ABLIM1: variants seen among roughly 807,000 people sequenced by gnomAD.
ABLIM1 encodes the protein actin binding LIM protein 1.
Under a neutral mutation model 107.0 loss-of-function variants are expected in ABLIM1, and 40 were observed. The observed-to-expected ratio is 0.37, with a 90% CI of 0.29 to 0.49. The LOEUF (loss-of-function observed/expected upper bound fraction) is 0.49, where lower values mean the gene tolerates loss of function less well. Ranked by LOEUF, ABLIM1 falls within the 20% of genes least tolerant of loss-of-function variation. The pLI, the probability that ABLIM1 is intolerant of heterozygous loss-of-function variation, is 0.97. For synonymous variants in ABLIM1, 357 were observed against 357.3 expected, an observed-to-expected ratio of 1.00 and a Z score of 0.01; for missense variants, 857 against 1,008.5, an observed-to-expected ratio of 0.85 and a Z score of 2.04.
At chr10:114,585,456 G>C (rs1399381160) in intron 2 of ABLIM1, among the ~76,000 whole-genome samples, 1 of 152,152 alleles carries the variant, frequency 6.6e-6, no homozygotes, top group Non-Finnish European at 1.5e-5. Flanking sequence ...GAAATCATTA[G>C]CATGGGGTCT....
the ABLIM1 span, among the ~76,000 whole-genome samples, chr10:114,784,588 A>AC: frequency 6.9e-5 from 10 of 144,860 alleles, no homozygotes; most frequent in Non-Finnish European, 1.5e-4. Flanking sequence ...AATTGCTTGA[A>AC]CCCGGGAGGC....
At chr10:114,774,061 G>GA in the ABLIM1 span, among the ~76,000 whole-genome samples, 6 of 150,976 alleles carry the variant, frequency 4.0e-5, no homozygotes, top group Non-Finnish European at 8.9e-5. Context: ...GTGAAACTAA[G>GA]AAAAAAAAGA....
chr10:114,722,846 C>T (rs2142061479), intron 1 of ABLIM1, among the ~76,000 whole-genome samples: 2 of 152,308 alleles, frequency 1.3e-5, no homozygotes, highest in South Asian at 2.1e-4. Flanking sequence ...TGGCAAAATC[C>T]CATTTATGCT....
intron 14 of ABLIM1, chr10:114,450,120 A>G (rs1326975119): frequency 5.0e-6 from 2 of 402,934 alleles, no homozygotes; most frequent in Non-Finnish European, 1.0e-5. Flanking sequence ...CAACAAAAGG[A>G]TGACTTCAAA....
At chr10:114,752,044 G>C (rs1213412166) in intron 1 of ABLIM1, among the ~76,000 whole-genome samples, 1 of 152,258 alleles carries the variant, frequency 6.6e-6, no homozygotes, top group Non-Finnish European at 1.5e-5. Flanking sequence ...TACATAAGAG[G>C]CTGCCAGTCT....
intron 7 of ABLIM1, 24 bp from the exon 8 acceptor site, chr10:114,488,040 A>C: frequency 1.2e-6 from 2 of 1,613,350 alleles, no homozygotes; most frequent in South Asian, 1.1e-5. Context: ...ATGCACTACT[A>C]AGAGCCAGGA....
chr10:114,436,416 T>C (rs1331348492), intron 22 of ABLIM1, 43 bp from the exon 23 acceptor site: 5 of 1,454,420 alleles, frequency 3.4e-6, no homozygotes, highest in Non-Finnish European at 4.8e-6. Flanking sequence ...TCAGTCCTGA[T>C]GGCCACACAA....
chr10:114,607,319 C>T (rs897722250), intron 1 of ABLIM1, among the ~76,000 whole-genome samples: 1 of 152,204 alleles, frequency 6.6e-6, no homozygotes, highest in South Asian at 2.1e-4. Flanking sequence ...CTCTGCCTCC[C>T]GAAGTGTTGG....
At chr10:114,626,963 T>C (rs936181629) in intron 1 of ABLIM1, among the ~76,000 whole-genome samples, 5 of 152,060 alleles carry the variant, frequency 3.3e-5, no homozygotes, top group Non-Finnish European at 5.9e-5. Context: ...GGGAGAAGCA[T>C]AGGACAGATT....
At chr10:114,601,727 A>C (rs1222972585) in intron 2 of ABLIM1, 100 bp downstream of exon 2, 1 of 1,553,878 alleles carries the variant, frequency 6.4e-7, no homozygotes, top group African/African-American at 1.4e-5. Context: ...GCATTCGCTT[A>C]TCATCCAGTG....
At chr10:114,719,488 C>T (rs184288080) in intron 1 of ABLIM1, among the ~76,000 whole-genome samples, 7 of 152,308 alleles carry the variant, frequency 4.6e-5, no homozygotes, top group African/African-American at 1.2e-4. Context: ...GGTGAAAGTA[C>T]GCTATCAAGG....
intron 13 of ABLIM1, 34 bp downstream of exon 13, chr10:114,453,345 A>G (rs947315233): frequency 2.5e-6 from 4 of 1,600,416 alleles, no homozygotes; most frequent in Admixed American, 3.3e-5. Flanking sequence ...ACACTGTGAC[A>G]GGACACCAAG....
At chr10:114,690,092 C>T in intron 1 of ABLIM1, 1 of 1,035,192 alleles carries the variant, frequency 9.7e-7, no homozygotes, top group Non-Finnish European at 1.4e-6. Context: ...GGGTGCTCTC[C>T]TGAGCTACAA....
chr10:114,698,891 T>C (rs1164770878), intron 1 of ABLIM1, among the ~76,000 whole-genome samples: 1 of 151,980 alleles, frequency 6.6e-6, no homozygotes, highest in African/African-American at 2.4e-5. Context: ...AAACTGCAGA[T>C]TCCAAGAAAA....
chr10:114,609,757 C>T (rs1248581894), intron 1 of ABLIM1, among the ~76,000 whole-genome samples: 2 of 152,202 alleles, frequency 1.3e-5, no homozygotes, highest in Admixed American at 1.3e-4. Flanking sequence ...CACTCCAGAA[C>T]ACTACTATAT....
intron 15 of ABLIM1, among the ~76,000 whole-genome samples, chr10:114,446,689 C>G (rs1033830781): frequency 1.3e-5 from 2 of 152,114 alleles, no homozygotes; most frequent in Admixed American, 1.3e-4. Context: ...TCCCTCTTTC[C>G]AAAATGTAGC....
At chr10:114,551,035 T>C (rs2067995521) in intron 4 of ABLIM1, among the ~76,000 whole-genome samples, 3 of 152,018 alleles carry the variant, frequency 2.0e-5, no homozygotes, top group South Asian at 2.1e-4. Flanking sequence ...GGGAGGTGGA[T>C]GGTGTGGGGA....
rs1395591448 is a variant in ABLIM1, at chr10:114,684,667, T to C, written c.-314A>G. The C allele has an allele frequency of 1.9e-5, 21 of 1,126,048 alleles. No individual in the cohort carries two copies. The South Asian group carries it at 8.1e-4, about 43-fold the overall frequency. 69.8% of individuals were successfully genotyped at this position (1,126,048 alleles called of 1,614,324 possible). A position where few individuals can be genotyped will look rare whatever the true frequency, so the allele number is the denominator to read the frequency against. On this transcript the variant is annotated 5_prime_UTR_variant, in exon 1 of 24. Coordinates refer to the ABLIM1 transcript ENST00000369256. ...ATCAGCTCAATGACGCCACACCCAC[T>C]GAAAACACTCGTTTCTGGGAAGCCA...
At chr10:114,732,362 T>C (rs2082094167) in intron 1 of ABLIM1, among the ~76,000 whole-genome samples, 1 of 152,092 alleles carries the variant, frequency 6.6e-6, no homozygotes, top group Non-Finnish European at 1.5e-5. Flanking sequence ...GTCATTTCTA[T>C]GTCTCTTTGT....
Sources: allele counts gnomAD v4.1 joint callset (sites outside exome capture counted in the v4.1 genomes callset), GRCh38; gene constraint gnomAD v4.1.1; transcripts MANE v1.5; gene names NCBI Gene and HGNC (gene_info 2026-07-23, HGNC 2026-07-21).